Variants in LARGE1 observed in about 807,000 individuals in gnomAD.
LARGE1 encodes the protein xylosyl- and glucuronyltransferase LARGE1.
LARGE1 carries 43 observed loss-of-function variants against 87.6 expected under a neutral mutation model. The observed-to-expected ratio is 0.49, with a 90% CI of 0.38 to 0.63. The LOEUF is 0.63. Ranked by LOEUF, LARGE1 falls within the 30% of genes least tolerant of loss-of-function variation. The pLI, the probability that LARGE1 is intolerant of heterozygous loss-of-function variation, is 0.00. For missense variants in LARGE1, 802 were observed against 1,000.2 expected (o/e 0.80, Z 2.67); for synonymous variants, 434 against 394.6 (o/e 1.10, Z -1.18).
chr22:33,309,216 G>C (rs1026445625), intron 11 of LARGE1, among the ~76,000 whole-genome samples: 1 of 151,860 alleles, frequency 6.6e-6, no homozygotes, highest in East Asian at 1.9e-4. Context: ...GCCCAGGCTG[G>C]AGTGCAGTGG....
chr22:33,598,189 C>T (rs185482169), intron 5 of LARGE1, among the ~76,000 whole-genome samples: 47 of 152,258 alleles, frequency 3.1e-4, no homozygotes, highest in Non-Finnish European at 6.0e-4. Flanking sequence ...ATACTGGAGT[C>T]AGACAGTTCT....
intron 1 of LARGE1, among the ~76,000 whole-genome samples, chr22:33,831,473 G>A (rs973587341): frequency 2.6e-5 from 4 of 152,238 alleles, no homozygotes; most frequent in East Asian, 1.9e-4. Flanking sequence ...CCGTGAGGAC[G>A]GAGTGGGAGG....
At chr22:33,828,828 T>C (rs1228633900) in intron 1 of LARGE1, among the ~76,000 whole-genome samples, 2 of 152,136 alleles carry the variant, frequency 1.3e-5, no homozygotes, top group Non-Finnish European at 2.9e-5. Context: ...ATTTGGTGTA[T>C]AGCATTCCCT....
rs1376363818 is a variant in LARGE1, at chr22:33,785,106, CATACATATGTGTATATGCATAT to C, written c.-82-23570_-82-23549del. Among the ~76,000 whole-genome samples, 19 of 56,304 alleles carry C rather than the reference CATACATATGTGTATATGCATAT, an allele frequency of 3.4e-4. 3 individuals are homozygous for C. The highest frequency in any genetic ancestry group is 1.0e-4 in the Non-Finnish European group (3 of 29,170). The allele number at this position is 56,304 out of a possible 152,430, so 36.9% of individuals were successfully genotyped here. A position where few individuals can be genotyped will look rare whatever the true frequency, so the allele number is the denominator to read the frequency against. On this transcript the variant is annotated intron_variant, in intron 1 of 14. Coordinates refer to ENST00000397394, the MANE Select transcript of LARGE1 (RefSeq NM_133642.5). Reference sequence around the variant, plus strand: ...ACATATGTGTATATACATGTGTATACATACATATGTGTATATGCATATATGTGTATACATACATATGTGTATA... The same window carrying C: ...ACATATGTGTATATACATGTGTATACATGTGTATACATACATATGTGTATA...
chr22:33,761,247 T>C (rs113672891), intron 2 of LARGE1, 124 bp downstream of exon 2: 47 of 864,364 alleles, frequency 5.4e-5, no homozygotes, highest in African/African-American at 3.0e-4. Context: ...TCTAGACAAG[T>C]CACTTCCCAT....
At chr22:33,368,692 T>TG (rs1415689655) in intron 9 of LARGE1, among the ~76,000 whole-genome samples, 2 of 151,852 alleles carry the variant, frequency 1.3e-5, no homozygotes, top group Non-Finnish European at 2.9e-5. Context: ...AGGCATAACT[T>TG]GGAGATATTG....
At chr22:33,577,078 A>G (rs1265796318) in intron 5 of LARGE1, among the ~76,000 whole-genome samples, 1 of 152,204 alleles carries the variant, frequency 6.6e-6, no homozygotes, top group Non-Finnish European at 1.5e-5. Context: ...TCACTCTGCT[A>G]TTAAACGCAA....
intron 2 of LARGE1, among the ~76,000 whole-genome samples, chr22:33,709,475 G>A (rs2082660810): frequency 6.6e-6 from 1 of 152,098 alleles, no homozygotes; most frequent in Admixed American, 6.5e-5. Context: ...CTAGTCATTT[G>A]CATTGAATGC....
chr22:33,325,981 G>A (rs1325907936), intron 10 of LARGE1, among the ~76,000 whole-genome samples: 1 of 152,148 alleles, frequency 6.6e-6, no homozygotes, highest in Admixed American at 6.5e-5. Context: ...TTGTCCCTGT[G>A]GTTTCCACAA....
At chr22:33,161,581 C>T (rs1419418172), downstream of LARGE1, among the ~76,000 whole-genome samples, 1 of 152,290 alleles carries the variant, frequency 6.6e-6, no homozygotes, top group Non-Finnish European at 1.5e-5. Context: ...CTGGCCAAAA[C>T]AAAAGGGTTA....
chr22:33,308,472 T>C (rs1262097491), intron 11 of LARGE1, among the ~76,000 whole-genome samples: 1 of 152,164 alleles, frequency 6.6e-6, no homozygotes, highest in East Asian at 1.9e-4. Context: ...ATTTTGGGGA[T>C]AATAATGCCT....
chr22:33,151,766 C>G, the LARGE1 span, among the ~76,000 whole-genome samples: 13 of 152,082 alleles, frequency 8.5e-5, no homozygotes. Context: ...GCCTTGCATT[C>G]TTGCAATAAA....
intron 6 of LARGE1, among the ~76,000 whole-genome samples, chr22:33,461,693 A>C (rs1314649351): frequency 1.1e-5 from 1 of 91,282 alleles, no homozygotes; most frequent in Non-Finnish European, 2.3e-5. Flanking sequence ...GAGAAATTAC[A>C]AAAAAAAAAA....
chr22:33,463,490 G>A (rs992950631), intron 6 of LARGE1, among the ~76,000 whole-genome samples: 74 of 152,126 alleles, frequency 4.9e-4, no homozygotes, highest in Non-Finnish European at 5.9e-5. Context: ...CAGGTTTATA[G>A]ATAGGAAGAT....
rs556186048 is a variant in LARGE1 at position 33,584,024 on chromosome 22, A to G, written c.616-19005T>C. 2.6e-5 allele frequency among the ~76,000 whole-genome samples: 4 copies of G among 152,340 alleles called. No individual in the cohort carries two copies. In the South Asian group the frequency reaches 8.3e-4, roughly 32 times the overall value. On this transcript the variant is annotated intron_variant, in intron 5 of 14. Transcript: ENST00000397394. ...TGGATGTTAGTTTGAGATCTGGTTT[A>G]TTAGTTTCCTCAATTATCAAAAAGG...
At chr22:33,882,041 T>TG (rs1569009978) in intron 1 of LARGE1, among the ~76,000 whole-genome samples, 2 of 148,372 alleles carry the variant, frequency 1.3e-5, no homozygotes, top group African/African-American at 5.1e-5. Flanking sequence ...TTTTGTTTTT[T>TG]TTTGTTTTTT....
At chr22:33,162,958 T>A (rs1200604708) in exon 12 of LARGE1, 1 of 152,240 alleles carries the variant, frequency 6.6e-6, no homozygotes, top group African/African-American at 2.4e-5. Context: ...TCCTTTAGTG[T>A]TTGCTCATGC....
chr22:33,364,341 GC>G (rs2064505957), intron 9 of LARGE1, among the ~76,000 whole-genome samples: 1 of 152,172 alleles, frequency 6.6e-6, no homozygotes, highest in South Asian at 2.1e-4. Context: ...ACAGGCGTGA[GC>G]CACTGTGTCC....
chr22:33,517,398 A>G (rs1185477242), intron 6 of LARGE1, among the ~76,000 whole-genome samples: 4 of 152,130 alleles, frequency 2.6e-5, no homozygotes, highest in African/African-American at 9.7e-5. Flanking sequence ...CATATAATGC[A>G]CAAAGAATTC....
Sources: allele counts gnomAD v4.1 joint callset (sites outside exome capture counted in the v4.1 genomes callset), GRCh38; gene constraint gnomAD v4.1.1; transcripts MANE v1.5; gene names NCBI Gene and HGNC (gene_info 2026-07-23, HGNC 2026-07-21).